The following FMN2 variants were observed in gnomAD, a reference collection of about 807,000 sequenced individuals.
The protein encoded by FMN2 is formin-2.
In FMN2, 51 loss-of-function variants were observed where a neutral mutation model predicts 142.3. That is an observed-to-expected ratio of 0.36 (90% CI 0.29 to 0.45). FMN2 has a LOEUF of 0.45. FMN2 is among the 20% of genes least tolerant of loss of function. The pLI is 1.00. For synonymous variants in FMN2, 882 were observed against 869.8 expected, an observed-to-expected ratio of 1.01 and a Z score of -0.25; for missense variants, 1,936 against 2,122.8, an observed-to-expected ratio of 0.91 and a Z score of 1.73.
intron 15 of FMN2, among the ~76,000 whole-genome samples, chr1:240,416,341 A>G (rs1050133865): frequency 6.7e-6 from 1 of 150,294 alleles, no homozygotes; most frequent in African/African-American, 2.5e-5. Context: ...GCTCACTGCA[A>G]CCTCCACCTC....
chr1:240,402,901 C>T (rs537527020), intron 15 of FMN2, among the ~76,000 whole-genome samples: 1 of 152,162 alleles, frequency 6.6e-6, no homozygotes, highest in South Asian at 2.1e-4. Context: ...AGACTTTTTT[C>T]TTCTATTTCT....
intron 15 of FMN2, among the ~76,000 whole-genome samples, chr1:240,432,312 A>T (rs956232940): frequency 1.4e-4 from 22 of 151,946 alleles, no homozygotes; most frequent in Admixed American, 3.3e-4. Context: ...ACATCATCAC[A>T]TTATCATTTT....
At chr1:240,326,712 A>ATTT (rs11420131) in intron 8 of FMN2, among the ~76,000 whole-genome samples, 30 of 147,820 alleles carry the variant, frequency 2.0e-4, no homozygotes, top group Middle Eastern at 3.4e-3. Context: ...AGCAAGCTGG[A>ATTT]TTTTTTTTTT....
At chr1:240,211,257 G>A in intron 6 of FMN2, 22 bp downstream of exon 6, 1 of 1,604,262 alleles carries the variant, frequency 6.2e-7, no homozygotes, top group Non-Finnish European at 8.5e-7. Context: ...TGTGCTTTAT[G>A]AAATTGGACA....
chr1:240,285,399 AGGCTGTT>A lies in FMN2; in HGVS notation c.4154-9420_4154-9414del, dbSNP rs1669551209. ...AGACACCCAAGTGGTGATGCTGAGA[AGGCTGTT>A]GGTTCTATAAGTGAGGAGTTCAGGA... On this transcript the variant is annotated intron_variant, in intron 7 of 17. Transcript: ENST00000319653. The A allele has an allele frequency of 1.5e-4, 65 of 420,360 alleles. 2 individuals carry two copies. The highest frequency in any genetic ancestry group is 1.1e-3 in the South Asian group (64 of 58,044). The allele number at this position is 420,360 out of a possible 1,614,324, so 26.0% of individuals were successfully genotyped here.
chr1:240,157,804 TA>T (rs1664085208), intron 2 of FMN2, among the ~76,000 whole-genome samples: 2 of 151,886 alleles, frequency 1.3e-5, no homozygotes, highest in Admixed American at 1.3e-4. Context: ...ATACTTTTTT[TA>T]AAAAAATGAC....
rs145163287 is a variant in FMN2 at position 240,224,575 on chromosome 1, A to G, written c.4065+13340A>G. On this transcript the variant is annotated intron_variant, in intron 6 of 17. Coordinates refer to ENST00000319653, the MANE Select transcript of FMN2 (RefSeq NM_020066.5). ...AATTTTCTGTCTCGTTGATCTGTCA[A>G]ATGTTGACAGTGGGGTGTTAAAATC... is the stretch of plus-strand genomic sequence containing the variant. Among the ~76,000 whole-genome samples the G allele has an allele frequency of 7.0e-3, 1,065 of 152,174 alleles. 11 individuals carry two copies. Among genetic ancestry groups the G allele is most frequent in the African/African-American group, 0.024 (1,008 of 41,498 alleles).
intron 2 of FMN2, among the ~76,000 whole-genome samples, chr1:240,172,068 T>G (rs892448841): frequency 6.6e-6 from 1 of 152,202 alleles, no homozygotes; most frequent in Non-Finnish European, 1.5e-5. Flanking sequence ...TCCTTAATAC[T>G]CACAGTATGT....
chr1:240,228,414 A>G (rs972966167), intron 6 of FMN2, among the ~76,000 whole-genome samples: 3 of 151,836 alleles, frequency 2.0e-5, no homozygotes, highest in South Asian at 2.1e-4. Context: ...ACCACTCTCA[A>G]ATAAGCACAT....
chr1:240,118,175 T>C (rs1416292256), intron 1 of FMN2, among the ~76,000 whole-genome samples: 1 of 152,034 alleles, frequency 6.6e-6, no homozygotes, highest in East Asian at 1.9e-4. Flanking sequence ...TGGTGAGTGT[T>C]GCGGGGGTTG....
intron 1 of FMN2, among the ~76,000 whole-genome samples, chr1:240,105,133 G>A (rs1298113332): frequency 4.5e-5 from 5 of 110,102 alleles, no homozygotes; most frequent in East Asian, 2.9e-4. Flanking sequence ...TTTTGAGACC[G>A]AGTCTCACTC....
intron 7 of FMN2, among the ~76,000 whole-genome samples, chr1:240,290,787 T>G (rs113341599): frequency 4.6e-4 from 43 of 92,714 alleles, no homozygotes; most frequent in South Asian, 7.5e-4. Context: ...TTGGTTTTTT[T>G]TTTTTGTTTT....
At chr1:240,308,179 C>T (rs980560304) in intron 8 of FMN2, among the ~76,000 whole-genome samples, 1 of 152,044 alleles carries the variant, frequency 6.6e-6, no homozygotes, top group Non-Finnish European at 1.5e-5. Flanking sequence ...TCTAAGAGAC[C>T]ATATCATGCC....
chr1:240,224,700 A>G (rs1667240108), intron 6 of FMN2, among the ~76,000 whole-genome samples: 1 of 152,160 alleles, frequency 6.6e-6, no homozygotes, highest in Non-Finnish European at 1.5e-5. Context: ...TGCTCGCCGC[A>G]CAGAAAGCCA....
At chr1:240,332,374 A>T (rs1671409014) in intron 11 of FMN2, among the ~76,000 whole-genome samples, 1 of 110,168 alleles carries the variant, frequency 9.1e-6, no homozygotes, top group Non-Finnish European at 1.8e-5. Context: ...TTCTCAAAAA[A>T]AAAAAGAAAG....
At chr1:240,438,629 T>C (rs9728596) in intron 16 of FMN2, among the ~76,000 whole-genome samples, 114,440 of 152,206 alleles carry the variant, frequency 0.75, 43,473 homozygotes, top group African/African-American at 0.86. Context: ...ATATCAAAAG[T>C]TCATCCAGAT....
At chr1:240,234,419 T>C (rs930998021) in intron 6 of FMN2, among the ~76,000 whole-genome samples, 6 of 151,756 alleles carry the variant, frequency 4.0e-5, no homozygotes, top group African/African-American at 9.7e-5. Flanking sequence ...GGAAAACCCA[T>C]TGTAGAAGAA....
At chr1:240,116,240 G>C (rs370132202) in intron 1 of FMN2, among the ~76,000 whole-genome samples, 1 of 152,184 alleles carries the variant, frequency 6.6e-6, no homozygotes, top group Non-Finnish European at 1.5e-5. Flanking sequence ...GAGGCTTCAC[G>C]TAGCTGCCCC....
At chr1:240,129,837 A>G (rs1473027115) in intron 2 of FMN2, among the ~76,000 whole-genome samples, 2 of 152,136 alleles carry the variant, frequency 1.3e-5, no homozygotes, top group African/African-American at 4.8e-5. Context: ...TCTGGCGGTC[A>G]TGCATGAGGA....
Sources: gnomAD v4.1 joint callset for allele counts (sites outside exome capture counted in the v4.1 genomes callset) on GRCh38, gnomAD v4.1.1 for gene constraint, MANE v1.5 for transcripts, NCBI Gene and HGNC (gene_info 2026-07-23, HGNC 2026-07-21) for gene names.